Variants in PITPNC1 observed in about 807,000 individuals in gnomAD.
The protein encoded by PITPNC1 is phosphatidylinositol transfer protein cytoplasmic 1.
PITPNC1 carries 18 observed loss-of-function variants against 44.7 expected under a neutral mutation model. The ratio of observed to expected loss-of-function variants is 0.40; its 90% CI spans 0.28 to 0.60. PITPNC1 has a LOEUF of 0.60. Ranked by LOEUF, PITPNC1 falls within the 20% of genes least tolerant of loss-of-function variation. The pLI, the probability that PITPNC1 is intolerant of heterozygous loss-of-function variation, is 0.39. For missense variants in PITPNC1, 290 were observed against 418.4 expected, an observed-to-expected ratio of 0.69 and a Z score of 2.68; for synonymous variants, 141 against 149.6, an observed-to-expected ratio of 0.94 and a Z score of 0.42.
chr17:67,670,556 T>C (rs2042495209), intron 7 of PITPNC1, among the ~76,000 whole-genome samples: 1 of 151,888 alleles, frequency 6.6e-6, no homozygotes, highest in Non-Finnish European at 1.5e-5. Context: ...GAGACCAGCC[T>C]GGCCAACCTG....
In PITPNC1 at chr17:67,634,103, G is replaced by A. The variant is rs78449847; in HGVS notation, c.462+1865G>A. Among the ~76,000 whole-genome samples, 979 of 152,264 alleles carry A rather than the reference G, an allele frequency of 6.4e-3. 7 individuals carry two copies. Among genetic ancestry groups the A allele is most frequent in the African/African-American group, 0.022 (922 of 41,528 alleles). On this transcript the variant is annotated intron_variant, in intron 6 of 8. Transcript: ENST00000581322. Reference sequence around the variant, plus strand: ...CTTCCTTTCATTCACACAGACATTCGAGGAGCTTTTCCTTCATGCTTCACA... The same window carrying A: ...CTTCCTTTCATTCACACAGACATTCAAGGAGCTTTTCCTTCATGCTTCACA...
intron 1 of PITPNC1, among the ~76,000 whole-genome samples, chr17:67,491,895 A>G (rs1036343732): frequency 2.0e-5 from 3 of 152,056 alleles, no homozygotes; most frequent in Non-Finnish European, 4.4e-5. Flanking sequence ...GTTTCTGCAC[A>G]TTTTAGTAAG....
At chr17:67,603,701 G>A (rs1276211682) in intron 5 of PITPNC1, among the ~76,000 whole-genome samples, 2 of 152,110 alleles carry the variant, frequency 1.3e-5, no homozygotes, top group Non-Finnish European at 2.9e-5. Context: ...AGGCTGAGGC[G>A]GACGAATCAT....
intron 1 of PITPNC1, among the ~76,000 whole-genome samples, chr17:67,423,926 T>A (rs2143871893): frequency 6.6e-6 from 1 of 152,056 alleles, no homozygotes; most frequent in East Asian, 1.9e-4. Context: ...TCAAGTAGAT[T>A]TCTTGCAGTC....
intron 2 of PITPNC1, among the ~76,000 whole-genome samples, chr17:67,548,400 G>A (rs1454931295): frequency 6.6e-6 from 1 of 152,154 alleles, no homozygotes; most frequent in Non-Finnish European, 1.5e-5. Context: ...AGACCAGCCT[G>A]GCCAACATGG....
chr17:67,440,288 C>G (rs577225411), intron 1 of PITPNC1, among the ~76,000 whole-genome samples: 2 of 152,126 alleles, frequency 1.3e-5, no homozygotes, highest in African/African-American at 4.8e-5. Context: ...CGCAACCTCA[C>G]TTGTCTCCTT....
Position 67,410,912 on chromosome 17 carries a change from G to A in PITPNC1, c.48+32710G>A, listed in dbSNP as rs144781766. 3.0e-3 allele frequency among the ~76,000 whole-genome samples: 452 copies of A among 151,744 alleles called. 2 individuals carry two copies. The highest frequency in any genetic ancestry group is 0.01 in the African/African-American group (427 of 41,416). ...AGCCTGGCCAAGTTGGTGAAACCCC[G>A]TCTCTACTAAAAATACACAAATTAG... On this transcript the variant is annotated intron_variant, in intron 1 of 8. Transcript: ENST00000581322.
chr17:67,522,659 C>CTTTT lies in PITPNC1; in HGVS notation c.49-10132_49-10129dup, dbSNP rs773797594. 3.6e-3 allele frequency among the ~76,000 whole-genome samples: 427 copies of CTTTT among 117,184 alleles called. 28 individuals are homozygous for CTTTT. The highest frequency in any genetic ancestry group is 5.1e-3 in the East Asian group (21 of 4,136). The allele number at this position is 117,184 out of a possible 152,430, so 76.9% of individuals were successfully genotyped here. A position where few individuals can be genotyped will look rare whatever the true frequency, so the allele number is the denominator to read the frequency against. On this transcript the variant is annotated intron_variant, in intron 1 of 8. Transcript: ENST00000581322. ...ATATCATAAAATTTACCATTTTAAT[C>CTTTT]TTTTTTTTTTTTTTGGAAAATGAGG...
intron 1 of PITPNC1, among the ~76,000 whole-genome samples, chr17:67,527,649 T>C (rs2144119478): frequency 6.6e-6 from 1 of 152,034 alleles, no homozygotes; most frequent in South Asian, 2.1e-4. Context: ...TGCAGTGAGC[T>C]GATATCTCGC....
intron 6 of PITPNC1, among the ~76,000 whole-genome samples, chr17:67,645,970 C>T (rs112136529): frequency 6.6e-6 from 1 of 152,096 alleles, no homozygotes; most frequent in Non-Finnish European, 1.5e-5. Flanking sequence ...ACTAAAAATA[C>T]AAAAATTAGA....
chr17:67,419,752 A>G (rs1327462537), intron 1 of PITPNC1, among the ~76,000 whole-genome samples: 6 of 152,192 alleles, frequency 3.9e-5, no homozygotes, highest in Non-Finnish European at 8.8e-5. Flanking sequence ...CTAAAAATAC[A>G]AAAATTAGTC....
At chr17:67,611,209 A>C (rs1284990509) in intron 5 of PITPNC1, 1 of 152,246 alleles carries the variant, frequency 6.6e-6, no homozygotes, top group Non-Finnish European at 1.5e-5. Context: ...TATATTGTAT[A>C]GCTTATTCCC....
At chr17:67,433,418 G>C (rs2038886597) in intron 1 of PITPNC1, among the ~76,000 whole-genome samples, 1 of 152,170 alleles carries the variant, frequency 6.6e-6, no homozygotes, top group Non-Finnish European at 1.5e-5. Flanking sequence ...TGAATGGAGG[G>C]CAAGCCAGCC....
rs1258564366 is a variant in PITPNC1, at chr17:67,499,276, G to T, written c.49-33526G>T. On this transcript the variant is annotated intron_variant, in intron 1 of 8. Coordinates refer to ENST00000581322, the MANE Select transcript of PITPNC1 (RefSeq NM_012417.4). ...GTTGCCCATGTTGGAGTGCAATGGTGTGATCTCAGCTCACTGCAACCTTCA... is the reference window on the plus strand; with the variant it reads ...GTTGCCCATGTTGGAGTGCAATGGTTTGATCTCAGCTCACTGCAACCTTCA... 3.9e-5 allele frequency among the ~76,000 whole-genome samples: 6 copies of T among 152,158 alleles called. No homozygotes were observed. In the South Asian group the frequency reaches 1.0e-3, roughly 26 times the overall value.
At chr17:67,579,809 G>A (rs571629675) in intron 5 of PITPNC1, among the ~76,000 whole-genome samples, 3 of 151,710 alleles carry the variant, frequency 2.0e-5, no homozygotes, top group South Asian at 2.1e-4. Context: ...GCGTGGTGGC[G>A]CATGCCTGTA....
chr17:67,378,364 C>T (rs1413586171), intron 1 of PITPNC1, among the ~76,000 whole-genome samples, 162 bp downstream of exon 1: 1 of 152,034 alleles, frequency 6.6e-6, no homozygotes, highest in Non-Finnish European at 1.5e-5. Context: ...GCGGCTTCCA[C>T]TTGTCACCCC....
chr17:67,624,608 C>T (rs1223128064), intron 5 of PITPNC1, among the ~76,000 whole-genome samples: 2 of 152,106 alleles, frequency 1.3e-5, no homozygotes, highest in Non-Finnish European at 2.9e-5. Flanking sequence ...AGTGCAACCT[C>T]TGCCTTCTGG....
At chr17:67,691,030 G>A (rs1386344311) in intron 8 of PITPNC1, among the ~76,000 whole-genome samples, 1 of 152,128 alleles carries the variant, frequency 6.6e-6, no homozygotes, top group Non-Finnish European at 1.5e-5. Context: ...TTGAACCCAG[G>A]AGGTGGAGGT....
At chr17:67,512,638 C>T (rs532201571) in intron 1 of PITPNC1, among the ~76,000 whole-genome samples, 6 of 151,678 alleles carry the variant, frequency 4.0e-5, no homozygotes, top group South Asian at 2.1e-4. Context: ...GTTTATATAT[C>T]GATTTCTCTT....
Sources: gnomAD v4.1 joint callset for allele counts (sites outside exome capture counted in the v4.1 genomes callset) on GRCh38, gnomAD v4.1.1 for gene constraint, MANE v1.5 for transcripts, NCBI Gene and HGNC (gene_info 2026-07-23, HGNC 2026-07-21) for gene names.